FARS2: variants seen among roughly 807,000 people sequenced by gnomAD.
FARS2 encodes the protein phenylalanine--tRNA ligase, mitochondrial.
In FARS2, 40 loss-of-function variants were observed where a neutral mutation model predicts 46.4. The ratio of observed to expected loss-of-function variants is 0.86; its 90% CI spans 0.67 to 1.12. The LOEUF is 1.12. Among genes scored for constraint, FARS2 ranks in the 50% most tolerant of loss-of-function variants. The pLI is 0.00. For synonymous variants in FARS2, 234 were observed against 214.9 expected (o/e 1.09, Z -0.78); for missense variants, 513 against 567.9 (o/e 0.90, Z 0.98).
In FARS2 at chr6:5,433,348, ATGT is replaced by A. The variant is rs770355016; in HGVS notation, c.904+2183_904+2185del. 5.3e-5 allele frequency among the ~76,000 whole-genome samples: 8 copies of A among 152,288 alleles called. No individual in the cohort carries two copies. In the South Asian group the frequency reaches 1.2e-3, roughly 24 times the overall value. Reference sequence around the variant, plus strand: ...AGCATTCAGTAAAAATTAACTGCTGATGTTGTTGTACTTAAAATTTTTCTAATG... The same window carrying A: ...AGCATTCAGTAAAAATTAACTGCTGATGTTGTACTTAAAATTTTTCTAATG... On this transcript the variant is annotated intron_variant, in intron 4 of 6. Coordinates refer to ENST00000274680, the MANE Select transcript of FARS2 (RefSeq NM_006567.5).
intron 6 of FARS2, among the ~76,000 whole-genome samples, chr6:5,646,691 A>G (rs774847897): frequency 1.3e-5 from 2 of 152,176 alleles, no homozygotes; most frequent in African/African-American, 2.4e-5. Context: ...TAACCTACAC[A>G]TATCCTCCTG....
At chr6:5,362,898 T>G (rs1259780218) in intron 1 of FARS2, among the ~76,000 whole-genome samples, 1 of 151,666 alleles carries the variant, frequency 6.6e-6, no homozygotes, top group Non-Finnish European at 1.5e-5. Context: ...AAATCTTTAT[T>G]CAGATCCTTT....
chr6:5,323,470 A>G (rs1561957461), intron 1 of FARS2, among the ~76,000 whole-genome samples: 1 of 152,212 alleles, frequency 6.6e-6, no homozygotes, highest in Non-Finnish European at 1.5e-5. Context: ...AGATGCTGAA[A>G]AAACCTCCTA....
At chr6:5,564,412 C>G (rs1164411629) in intron 5 of FARS2, among the ~76,000 whole-genome samples, 1 of 152,118 alleles carries the variant, frequency 6.6e-6, no homozygotes, top group Admixed American at 6.5e-5. Context: ...TTTATGTTAC[C>G]CATCCCTTTT....
At position 5,654,782 on chromosome 6, in the gene FARS2, T is replaced by C. The variant is rs144062842; in HGVS notation, c.1217+41462T>C. Among the ~76,000 whole-genome samples, 1,015 of 152,232 alleles carry C rather than the reference T, an allele frequency of 6.7e-3. 6 individuals carry two copies. Among genetic ancestry groups the C allele is most frequent in the South Asian group, 0.015 (70 of 4,818 alleles). On this transcript the variant is annotated intron_variant, in intron 6 of 6. Coordinates refer to ENST00000274680, the MANE Select transcript of FARS2 (RefSeq NM_006567.5). ...AGTTTGAACTTCACCGGCCCACTTA[T>C]ACGTGGATTTTCTTCCGCCTCTGCC...
chr6:5,251,430 T>C, the FARS2 span, among the ~76,000 whole-genome samples: 1 of 152,190 alleles, frequency 6.6e-6, no homozygotes, highest in Non-Finnish European at 1.5e-5. Context: ...ATTGTGATGC[T>C]GGCATCTGCT....
At chr6:5,353,093 T>C (rs1447676382) in intron 1 of FARS2, among the ~76,000 whole-genome samples, 1 of 152,206 alleles carries the variant, frequency 6.6e-6, no homozygotes, top group Non-Finnish European at 1.5e-5. Context: ...TGCTATCCAC[T>C]ATTCTACTCT....
At chr6:5,754,882 T>A (rs533262178) in intron 6 of FARS2, among the ~76,000 whole-genome samples, 45 of 152,368 alleles carry the variant, frequency 3.0e-4, no homozygotes, top group East Asian at 1.4e-3. Context: ...TACAGTTTTT[T>A]AAAAATTAAC....
intron 6 of FARS2, among the ~76,000 whole-genome samples, chr6:5,656,237 G>A (rs1490919108): frequency 6.6e-6 from 1 of 152,150 alleles, no homozygotes; most frequent in Non-Finnish European, 1.5e-5. Flanking sequence ...ATTCCTATCT[G>A]TGCCAACCTG....
At chr6:5,378,547 G>A (rs886895640) in intron 2 of FARS2, among the ~76,000 whole-genome samples, 8 of 152,152 alleles carry the variant, frequency 5.3e-5, no homozygotes, top group Admixed American at 4.6e-4. Flanking sequence ...GCCCATGGTT[G>A]TCTCTTTATT....
intron 4 of FARS2, among the ~76,000 whole-genome samples, chr6:5,489,085 G>T (rs1319684053): frequency 6.6e-6 from 1 of 152,148 alleles, no homozygotes. Flanking sequence ...ATAAATGATA[G>T]AGTGAAAATG....
At chr6:5,660,653 A>G (rs1379011365) in intron 6 of FARS2, among the ~76,000 whole-genome samples, 1 of 150,138 alleles carries the variant, frequency 6.7e-6, no homozygotes, top group African/African-American at 2.4e-5. Flanking sequence ...TGTCTCAGAA[A>G]AAAAAAAAAA....
chr6:5,511,767 A>T (rs1768468578), intron 4 of FARS2, among the ~76,000 whole-genome samples: 1 of 152,074 alleles, frequency 6.6e-6, no homozygotes, highest in Non-Finnish European at 1.5e-5. Context: ...TATATTAATG[A>T]TTTCTTCTAG....
chr6:5,368,516 C>T, intron 1 of FARS2, 34 bp from the exon 2 acceptor site: 1 of 1,547,360 alleles, frequency 6.5e-7, no homozygotes. Context: ...CAGAGTGACA[C>T]CTGACTTGTG....
At chr6:5,643,948 G>A (rs1232685579) in intron 6 of FARS2, among the ~76,000 whole-genome samples, 1 of 152,226 alleles carries the variant, frequency 6.6e-6, no homozygotes, top group Non-Finnish European at 1.5e-5. Context: ...TGGCCTGACA[G>A]TGCTTGCTGG....
chr6:5,318,386 C>CCAAAAAAAAAAAAAAAAAAAAAAAA (rs1769700406), intron 1 of FARS2, among the ~76,000 whole-genome samples: 1 of 65,770 alleles, frequency 1.5e-5, no homozygotes, highest in African/African-American at 9.4e-5. Flanking sequence ...CAAAAAAAAA[C>CCAAAAAAAAAAAAAAAAAAAAAAAA]CAAAAAAAAA....
chr6:5,440,708 A>AG (rs931859321), intron 4 of FARS2, among the ~76,000 whole-genome samples: 4 of 152,104 alleles, frequency 2.6e-5, no homozygotes, highest in South Asian at 2.1e-4. Flanking sequence ...TTAGAAGTGG[A>AG]GGGGGGGTGT....
At chr6:5,629,240 TAGG>T (rs1258873826) in intron 6 of FARS2, among the ~76,000 whole-genome samples, 1 of 152,230 alleles carries the variant, frequency 6.6e-6, no homozygotes, top group Non-Finnish European at 1.5e-5. Flanking sequence ...CACAGTCTGA[TAGG>T]AGGTATCACA....
At chr6:5,447,337 G>T (rs1764238961) in intron 4 of FARS2, among the ~76,000 whole-genome samples, 1 of 152,182 alleles carries the variant, frequency 6.6e-6, no homozygotes, top group Non-Finnish European at 1.5e-5. Context: ...GTCATGGATT[G>T]AAGGAGCAGA....
Sources: gnomAD v4.1 joint callset for allele counts (sites outside exome capture counted in the v4.1 genomes callset) on GRCh38, gnomAD v4.1.1 for gene constraint, MANE v1.5 for transcripts, NCBI Gene and HGNC (gene_info 2026-07-23, HGNC 2026-07-21) for gene names.